FER1L6: variants seen among roughly 807,000 people sequenced by gnomAD.
FER1L6 encodes fer-1 like family member 6.
A neutral mutation model predicts 219.2 loss-of-function variants in FER1L6; 177 were observed. That is an observed-to-expected ratio of 0.81 (90% confidence interval 0.71 to 0.91). FER1L6 has a LOEUF of 0.91. FER1L6 is among the 40% of genes least tolerant of loss of function. The pLI is 0.00. For missense variants in FER1L6, 2,153 were observed against 2,259.9 expected, an observed-to-expected ratio of 0.95 and a Z score of 0.96; for synonymous variants, 768 against 824.3, an observed-to-expected ratio of 0.93 and a Z score of 1.17.
chr8:123,901,197 G>A (rs1458983978), intron 1 of FER1L6, among the ~76,000 whole-genome samples: 1 of 152,104 alleles, frequency 6.6e-6, no homozygotes, highest in Non-Finnish European at 1.5e-5. Context: ...TTATTGGTCT[G>A]TTCAGGATAT....
At chr8:124,017,544 C>T (rs1818253673) in intron 15 of FER1L6, 84 bp from the exon 16 acceptor site, 2 of 1,066,394 alleles carry the variant, frequency 1.9e-6, no homozygotes, top group African/African-American at 1.6e-5. Context: ...CACTGTATTG[C>T]AGAAACAATA....
intron 32 of FER1L6, among the ~76,000 whole-genome samples, chr8:124,077,370 G>A (rs1039150088): frequency 6.6e-5 from 10 of 152,156 alleles, no homozygotes; most frequent in Non-Finnish European, 8.8e-5. Context: ...GAGTAAACAG[G>A]AACATGGCAT....
At chr8:123,910,318 T>A (rs548287695) in intron 1 of FER1L6, among the ~76,000 whole-genome samples, 1 of 152,170 alleles carries the variant, frequency 6.6e-6, no homozygotes, top group Non-Finnish European at 1.5e-5. Flanking sequence ...ATCAATGGCA[T>A]GAAGACAATG....
At chr8:124,038,745 C>T (rs185341799) in intron 19 of FER1L6, among the ~76,000 whole-genome samples, 1 of 152,288 alleles carries the variant, frequency 6.6e-6, no homozygotes, top group Non-Finnish European at 1.5e-5. Context: ...CTGTGTGAGA[C>T]AAGTGTAGGG....
At chr8:123,929,356 T>C (rs1813684057) in intron 1 of FER1L6, among the ~76,000 whole-genome samples, 1 of 152,164 alleles carries the variant, frequency 6.6e-6, no homozygotes, top group Non-Finnish European at 1.5e-5. Flanking sequence ...TTTGTAGACA[T>C]TAAAAATTGG....
chr8:123,906,969 C>A (rs954196159), intron 1 of FER1L6, among the ~76,000 whole-genome samples: 1 of 152,124 alleles, frequency 6.6e-6, no homozygotes, highest in Non-Finnish European at 1.5e-5. Flanking sequence ...GCCTGGCAAA[C>A]TTTTCTGTAA....
chr8:124,027,117 C>T (rs940992870), intron 18 of FER1L6, among the ~76,000 whole-genome samples: 1 of 152,088 alleles, frequency 6.6e-6, no homozygotes, highest in African/African-American at 2.4e-5. Context: ...GATTAGGGAC[C>T]TACCCTACTC....
chr8:123,968,990 C>A (rs1186172361), intron 5 of FER1L6, among the ~76,000 whole-genome samples: 1 of 152,104 alleles, frequency 6.6e-6, no homozygotes, highest in Non-Finnish European at 1.5e-5. Context: ...AACACACAAA[C>A]CAGGACAAAA....
At chr8:124,038,271 C>G (rs992519790) in intron 19 of FER1L6, among the ~76,000 whole-genome samples, 2 of 152,220 alleles carry the variant, frequency 1.3e-5, no homozygotes, top group African/African-American at 2.4e-5. Context: ...AGCACCACCT[C>G]CGCTATGGTC....
intron 1 of FER1L6, among the ~76,000 whole-genome samples, chr8:123,932,224 T>G (rs1813799002): frequency 6.6e-6 from 1 of 152,154 alleles, no homozygotes; most frequent in African/African-American, 2.4e-5. Flanking sequence ...TTCTCCTGCC[T>G]CAGCCTCCCA....
chr8:123,855,708 T>TACAC (rs140178078), intron 1 of FER1L6, among the ~76,000 whole-genome samples: 5 of 142,898 alleles, frequency 3.5e-5, no homozygotes, highest in African/African-American at 1.3e-4. Context: ...TGTGTATATG[T>TACAC]ACACACACAC....
Position 123,977,550 on chromosome 8 carries a change from C to T in FER1L6, c.1004C>T (p.Ala335Val). 1 of 1,614,036 alleles carries T rather than the reference C, an allele frequency of 6.2e-7. No homozygotes were observed. Among genetic ancestry groups the T allele is most frequent in the African/African-American group, 1.3e-5 (1 of 75,010 alleles). Residue 335 changes from alanine to valine, a missense_variant, in exon 10 of 41, where the codon GCC (alanine) becomes GTC (valine). Coordinates refer to ENST00000522917, the MANE Select transcript of FER1L6 (RefSeq NM_001039112.2). ...VWDEGSMNDVALATHFIDLKK... is the reference protein window; with the variant it reads ...VWDEGSMNDVVLATHFIDLKK... The stretch of plus-strand genomic sequence containing the variant: ...GATGAAGGCAGCATGAATGACGTAG[C>T]CCTGGCAACCCATTTCATTGACCTG...
At chr8:124,023,843 G>A (rs1319262513) in intron 18 of FER1L6, among the ~76,000 whole-genome samples, 1 of 151,420 alleles carries the variant, frequency 6.6e-6, no homozygotes, top group Non-Finnish European at 1.5e-5. Flanking sequence ...TTAATCTAAT[G>A]GGTTACTTTA....
In FER1L6 at chr8:124,060,618, T is replaced by A; in HGVS notation, c.3056T>A (p.Ile1019Asn). Residue 1019 changes from isoleucine to asparagine, a missense_variant, in exon 24 of 41, where the codon ATT becomes AAT. Transcript: ENST00000522917. ...TCTGTGGATCGGCCTCAGGCTCTCA[T>A]TGAGTGCGGAGGACAAGGTGTGAAG... ...LLSVDRPQAL[I>N]ECGGQGVKSC... 6.2e-7 allele frequency: 1 copy of A among 1,614,002 alleles called. No individual in the cohort carries two copies. The highest frequency in any genetic ancestry group is 8.5e-7 in the Non-Finnish European group (1 of 1,179,976).
chr8:124,074,614 T>C (rs1236549340), intron 31 of FER1L6, among the ~76,000 whole-genome samples: 1 of 149,918 alleles, frequency 6.7e-6, no homozygotes. Context: ...ACTGCACCAC[T>C]GTACTTTAGC....
At chr8:124,012,042 T>C (rs1319527966) in intron 14 of FER1L6, among the ~76,000 whole-genome samples, 1 of 152,190 alleles carries the variant, frequency 6.6e-6, no homozygotes, top group Non-Finnish European at 1.5e-5. Flanking sequence ...CCTCTGTTTC[T>C]CTGACATCTT....
At chr8:124,073,902 G>A (rs1821176883) in intron 31 of FER1L6, among the ~76,000 whole-genome samples, 1 of 152,190 alleles carries the variant, frequency 6.6e-6, no homozygotes, top group South Asian at 2.1e-4. Flanking sequence ...AAGAAGAAAT[G>A]GGAAGGACTG....
At chr8:124,054,427 CTTTT>C (rs903395053) in intron 22 of FER1L6, among the ~76,000 whole-genome samples, 29 of 151,634 alleles carry the variant, frequency 1.9e-4, no homozygotes, top group Non-Finnish European at 8.8e-5. Context: ...CAACAAAGAA[CTTTT>C]TTTTTAACTT....
intron 1 of FER1L6, among the ~76,000 whole-genome samples, chr8:123,905,237 C>T (rs1812930699): frequency 1.3e-5 from 2 of 152,108 alleles, no homozygotes; most frequent in Non-Finnish European, 2.9e-5. Flanking sequence ...ACTCTCCCTC[C>T]CCCCAACACC....
Sources: gnomAD v4.1 joint callset for allele counts (sites outside exome capture counted in the v4.1 genomes callset) on GRCh38, gnomAD v4.1.1 for gene constraint, MANE v1.5 for transcripts, NCBI Gene and HGNC (gene_info 2026-07-23, HGNC 2026-07-21) for gene names.